DCC: variants seen among roughly 807,000 people sequenced by gnomAD.
DCC encodes the protein netrin receptor DCC.
DCC carries 58 observed loss-of-function variants against 172.5 expected under a neutral mutation model. The observed-to-expected ratio is 0.34, with a 90% CI of 0.27 to 0.42. The LOEUF (loss-of-function observed/expected upper bound fraction) is 0.42, where lower values mean the gene tolerates loss of function less well. Among genes scored for constraint, DCC ranks in the 10% least tolerant of loss-of-function variants. The pLI, the probability that DCC is intolerant of heterozygous loss-of-function variation, is 1.00. For synonymous variants in DCC, 709 were observed against 644.5 expected (o/e 1.10, Z -1.52); for missense variants, 1,740 against 1,791.0 (o/e 0.97, Z 0.51).
intron 1 of DCC, among the ~76,000 whole-genome samples, chr18:52,490,403 A>T (rs906119813): frequency 2.6e-5 from 4 of 152,084 alleles, no homozygotes; most frequent in African/African-American, 4.8e-5. Context: ...TATGAATATA[A>T]CCTTAGGGTG....
chr18:53,336,561 G>A (rs1313858691), intron 14 of DCC, among the ~76,000 whole-genome samples: 1 of 152,022 alleles, frequency 6.6e-6, no homozygotes, highest in East Asian at 1.9e-4. Context: ...GGTGATAAAG[G>A]GTCATTAAGG....
intron 2 of DCC, among the ~76,000 whole-genome samples, chr18:52,867,576 T>C (rs560376023): frequency 6.6e-6 from 1 of 152,284 alleles, no homozygotes; most frequent in Admixed American, 6.5e-5. Context: ...TATTTGTTTA[T>C]TCAGTGATTT....
chr18:52,874,338 C>T (rs956580415), intron 2 of DCC, among the ~76,000 whole-genome samples: 8 of 152,038 alleles, frequency 5.3e-5, no homozygotes, highest in South Asian at 4.2e-4. Flanking sequence ...AAATGATTTT[C>T]GAAATGGCCA....
At chr18:53,261,644 TG>T (rs1349433508) in intron 12 of DCC, among the ~76,000 whole-genome samples, 4 of 152,144 alleles carry the variant, frequency 2.6e-5, no homozygotes, top group African/African-American at 9.7e-5. Context: ...TCCGAGTAGC[TG>T]GGACTACAGG....
At chr18:52,769,005 A>G (rs184715470) in intron 2 of DCC, among the ~76,000 whole-genome samples, 1 of 123,952 alleles carries the variant, frequency 8.1e-6, no homozygotes, top group Admixed American at 8.1e-5. Context: ...GTTGTCTAGG[A>G]AAAAAATGGA....
intron 1 of DCC, among the ~76,000 whole-genome samples, chr18:52,398,682 T>A (rs999555875): frequency 1.3e-5 from 2 of 151,994 alleles, no homozygotes; most frequent in Non-Finnish European, 2.9e-5. Flanking sequence ...TACATACACG[T>A]GCCATAAAAC....
intron 7 of DCC, among the ~76,000 whole-genome samples, chr18:53,067,764 T>C (rs1321462319): frequency 6.6e-6 from 1 of 152,232 alleles, no homozygotes; most frequent in Non-Finnish European, 1.5e-5. Flanking sequence ...ACATTTCAAC[T>C]CTTTTGGACC....
At chr18:53,351,463 T>TATATATATACACA (rs1568075494) in intron 15 of DCC, among the ~76,000 whole-genome samples, 3 of 22,832 alleles carry the variant, frequency 1.3e-4, no homozygotes, top group Non-Finnish European at 8.2e-5. Context: ...ATATACACAG[T>TATATATATACACA]GTGTATATAT....
chr18:53,138,818 A>G (rs2043786713), intron 7 of DCC, among the ~76,000 whole-genome samples: 1 of 152,232 alleles, frequency 6.6e-6, no homozygotes, highest in Non-Finnish European at 1.5e-5. Flanking sequence ...AAATGCATCA[A>G]TAATTTCAGC....
At chr18:53,208,785 A>G (rs1271037615) in intron 11 of DCC, among the ~76,000 whole-genome samples, 1 of 152,134 alleles carries the variant, frequency 6.6e-6, no homozygotes, top group African/African-American at 2.4e-5. Context: ...GTTGGCATGC[A>G]GTGGTGCAGT....
At chr18:53,296,560 T>C (rs2057070391) in intron 12 of DCC, among the ~76,000 whole-genome samples, 1 of 151,986 alleles carries the variant, frequency 6.6e-6, no homozygotes, top group Admixed American at 6.6e-5. Context: ...AGTGTGAGAG[T>C]AGAGGCTGGG....
intron 2 of DCC, among the ~76,000 whole-genome samples, chr18:52,871,784 G>A (rs1312055513): frequency 6.6e-6 from 1 of 152,080 alleles, no homozygotes; most frequent in East Asian, 1.9e-4. Context: ...AGGAGGAAAG[G>A]GACCAAAAAT....
intron 5 of DCC, among the ~76,000 whole-genome samples, chr18:53,049,580 A>C (rs564798737): frequency 6.6e-6 from 1 of 152,188 alleles, no homozygotes; most frequent in Non-Finnish European, 1.5e-5. Flanking sequence ...TGCTGTGGTT[A>C]CTGTAGCCTT....
intron 1 of DCC, among the ~76,000 whole-genome samples, chr18:52,534,021 G>A (rs532973475): frequency 6.6e-6 from 1 of 152,098 alleles, no homozygotes; most frequent in South Asian, 2.1e-4. Context: ...GCTATGTTGT[G>A]GCGTGCTTTA....
chr18:52,889,928 G>C (rs1379612056), intron 2 of DCC, among the ~76,000 whole-genome samples: 1 of 152,044 alleles, frequency 6.6e-6, no homozygotes, highest in Admixed American at 6.6e-5. Flanking sequence ...CTTAAAACAA[G>C]GAGAGTGTTA....
At chr18:53,167,009 A>T (rs2144427248) in intron 8 of DCC, among the ~76,000 whole-genome samples, 1 of 152,294 alleles carries the variant, frequency 6.6e-6, no homozygotes, top group African/African-American at 2.4e-5. Flanking sequence ...CTAAAGAAAT[A>T]ATGAATGAAA....
chr18:52,380,874 T>C (rs532216617), intron 1 of DCC, among the ~76,000 whole-genome samples: 2 of 152,246 alleles, frequency 1.3e-5, no homozygotes, highest in South Asian at 4.1e-4. Flanking sequence ...AGAAGAGAAA[T>C]GAAAGATTCT....
intron 1 of DCC, among the ~76,000 whole-genome samples, chr18:52,413,369 T>C (rs9957471): frequency 0.14 from 20,533 of 151,504 alleles, 1,521 homozygotes; most frequent in Middle Eastern, 0.16. Flanking sequence ...AGATGATTCA[T>C]ATATTAGTAA....
intron 23 of DCC, 59 bp from the exon 24 acceptor site, chr18:53,459,173 A>C: frequency 7.6e-7 from 1 of 1,313,852 alleles, no homozygotes; most frequent in South Asian, 1.2e-5. Context: ...GACTGATGAA[A>C]GAAAGGAAGT....
Sources: gnomAD v4.1 joint callset for allele counts (sites outside exome capture counted in the v4.1 genomes callset) on GRCh38, gnomAD v4.1.1 for gene constraint, MANE v1.5 for transcripts, NCBI Gene and HGNC (gene_info 2026-07-23, HGNC 2026-07-21) for gene names.